The following OPCML variants were observed in gnomAD, a reference collection of about 807,000 sequenced individuals.
The protein encoded by OPCML is opioid-binding protein/cell adhesion molecule.
Under a neutral mutation model 37.8 loss-of-function variants are expected in OPCML, and 13 were observed. The ratio of observed to expected loss-of-function variants is 0.34; its 90% CI spans 0.22 to 0.55. OPCML has a LOEUF of 0.55. Ranked by LOEUF, OPCML falls within the 20% of genes least tolerant of loss-of-function variation. The pLI is 0.91. For synonymous variants in OPCML, 176 were observed against 168.8 expected (o/e 1.04, Z -0.33); for missense variants, 341 against 435.6 (o/e 0.78, Z 1.93).
chr11:133,319,307 G>A (rs1943275686), intron 1 of OPCML, among the ~76,000 whole-genome samples: 3 of 152,144 alleles, frequency 2.0e-5, no homozygotes. Flanking sequence ...AAAAATCAGA[G>A]CATCTTTTCT....
intron 1 of OPCML, among the ~76,000 whole-genome samples, chr11:133,322,308 A>G (rs1592200112): frequency 6.6e-6 from 1 of 152,360 alleles, no homozygotes; most frequent in African/African-American, 2.4e-5. Context: ...GTGTGAGATT[A>G]AAAACATATC....
rs573881724 is a variant in OPCML at position 132,435,270 on chromosome 11, A to T, written c.916+816T>A. ...ACACATTTCAGATGGTTGGTGGACA[A>T]AGTTTACTTAATGTCAGTGCTGAAA... is the stretch of plus-strand genomic sequence containing the variant. On this transcript the variant is annotated intron_variant, in intron 7 of 7. Coordinates refer to ENST00000524381, the MANE Select transcript of OPCML (RefSeq NM_001012393.5). The T allele has an allele frequency of 1.2e-5, 16 of 1,287,948 alleles. No homozygotes were observed. In the African/African-American group the frequency reaches 2.3e-4, roughly 18 times the overall value. 79.8% of individuals were successfully genotyped at this position (1,287,948 alleles called of 1,614,324 possible).
chr11:132,653,524 A>G (rs1190990770), intron 3 of OPCML, among the ~76,000 whole-genome samples: 1 of 152,164 alleles, frequency 6.6e-6, no homozygotes, highest in Non-Finnish European at 1.5e-5. Flanking sequence ...CCTAGATCAC[A>G]TTATCACATG....
intron 1 of OPCML, among the ~76,000 whole-genome samples, chr11:133,015,419 G>GGAAGGAAGGAAGGAAGGAAGGAAT (rs1565398833): frequency 7.9e-5 from 7 of 89,078 alleles, no homozygotes; most frequent in African/African-American, 2.3e-4. Flanking sequence ...AAGGAAGGAA[G>GGAAGGAAGGAAGGAAGGAAGGAAT]GAAGGAAGGA....
intron 3 of OPCML, among the ~76,000 whole-genome samples, chr11:132,583,080 G>A (rs1474309249): frequency 1.3e-5 from 2 of 151,450 alleles, no homozygotes; most frequent in Non-Finnish European, 2.9e-5. Context: ...TTTGAAACTG[G>A]GTCTCCCTCT....
intron 1 of OPCML, among the ~76,000 whole-genome samples, chr11:133,179,397 A>G (rs1251660233): frequency 6.6e-6 from 1 of 151,854 alleles, no homozygotes; most frequent in African/African-American, 2.4e-5. Context: ...GGTGGGACAA[A>G]GTGTTTTCTC....
At chr11:132,783,283 C>A (rs1187991924) in intron 2 of OPCML, among the ~76,000 whole-genome samples, 1 of 152,082 alleles carries the variant, frequency 6.6e-6, no homozygotes, top group African/African-American at 2.4e-5. Flanking sequence ...GCCTTCATGA[C>A]TTCCAGAGTC....
chr11:132,999,181 G>A (rs1031962967), intron 1 of OPCML, among the ~76,000 whole-genome samples: 19 of 152,108 alleles, frequency 1.2e-4, no homozygotes, highest in African/African-American at 4.3e-4. Context: ...GCTCATCATA[G>A]GGATGAGCTT....
chr11:132,659,987 T>C (rs1426730779), intron 2 of OPCML, among the ~76,000 whole-genome samples: 1 of 152,180 alleles, frequency 6.6e-6, no homozygotes. Flanking sequence ...TTATGTCCTA[T>C]GACCATAAAA....
intron 4 of OPCML, among the ~76,000 whole-genome samples, chr11:132,478,749 C>T (rs2096166520): frequency 2.0e-5 from 3 of 152,124 alleles, no homozygotes; most frequent in Admixed American, 2.0e-4. Context: ...CATTCTTTGG[C>T]TTCTAAGATT....
chr11:132,986,029 G>T (rs1247260262), intron 1 of OPCML, among the ~76,000 whole-genome samples: 2 of 152,104 alleles, frequency 1.3e-5, no homozygotes, highest in Non-Finnish European at 2.9e-5. Flanking sequence ...CCACTGCCTG[G>T]AATGTGTTTA....
chr11:132,677,558 G>T (rs1164481559), intron 2 of OPCML, among the ~76,000 whole-genome samples: 3 of 152,132 alleles, frequency 2.0e-5, no homozygotes, highest in Non-Finnish European at 4.4e-5. Context: ...CCAAAGAATA[G>T]ACTCCAAGTA....
chr11:133,410,634 TAAAAAAAAA>T (rs71038527), intron 1 of OPCML, among the ~76,000 whole-genome samples: 27 of 46,998 alleles, frequency 5.7e-4, no homozygotes, highest in East Asian at 1.7e-3. Flanking sequence ...AGAAAAAAAG[TAAAAAAAAA>T]AAAAAAAAAA....
chr11:133,051,931 G>A (rs1382595891), intron 1 of OPCML, among the ~76,000 whole-genome samples: 1 of 152,166 alleles, frequency 6.6e-6, no homozygotes, highest in Admixed American at 6.5e-5. Flanking sequence ...TTTCCCTAGA[G>A]CTCTGCCTCA....
intron 1 of OPCML, among the ~76,000 whole-genome samples, chr11:132,954,749 G>T (rs1363872637): frequency 1.3e-5 from 2 of 152,160 alleles, no homozygotes; most frequent in Admixed American, 6.5e-5. Context: ...AAGTCACTGA[G>T]CAAGAGCAGG....
At chr11:133,039,601 C>G (rs1272295597) in intron 1 of OPCML, among the ~76,000 whole-genome samples, 3 of 152,134 alleles carry the variant, frequency 2.0e-5, no homozygotes, top group African/African-American at 7.2e-5. Flanking sequence ...GTGGGCATTA[C>G]AAGAAGCTCC....
chr11:132,991,093 ATAAGAAAAATGTC>A, intron 1 of OPCML, among the ~76,000 whole-genome samples: 1 of 152,338 alleles, frequency 6.6e-6, no homozygotes, highest in South Asian at 2.1e-4. Context: ...TAGGATTGCC[ATAAGAAAAATGTC>A]TACAGCAATT....
intron 3 of OPCML, among the ~76,000 whole-genome samples, chr11:132,612,112 A>G (rs542108471): frequency 6.6e-6 from 1 of 152,330 alleles, no homozygotes; most frequent in Admixed American, 6.5e-5. Context: ...TCCAAAGGTT[A>G]AAGAAGAAAT....
intron 1 of OPCML, among the ~76,000 whole-genome samples, chr11:133,081,810 G>A (rs1415220170): frequency 6.6e-6 from 1 of 152,088 alleles, no homozygotes; most frequent in East Asian, 1.9e-4. Flanking sequence ...CCGTTCGAAT[G>A]GCAGGTGAAG....
Sources: allele counts gnomAD v4.1 joint callset (sites outside exome capture counted in the v4.1 genomes callset), GRCh38; gene constraint gnomAD v4.1.1; transcripts MANE v1.5; gene names NCBI Gene and HGNC (gene_info 2026-07-23, HGNC 2026-07-21).